The following SYCP2 variants were observed in gnomAD, a reference collection of about 807,000 sequenced individuals.
SYCP2 encodes synaptonemal complex lateral element protein.
Under a neutral mutation model 211.3 loss-of-function variants are expected in SYCP2, and 55 were observed. That is an observed-to-expected ratio of 0.26 (90% CI 0.21 to 0.33). The LOEUF is 0.33. Ranked by LOEUF, SYCP2 falls within the 10% of genes least tolerant of loss-of-function variation. The pLI is 1.00. For synonymous variants in SYCP2, 570 were observed against 555.2 expected (o/e 1.03, Z -0.37); for missense variants, 1,731 against 1,752.0 (o/e 0.99, Z 0.21).
At chr20:59,891,015 G>C (rs528881440) in intron 24 of SYCP2, among the ~76,000 whole-genome samples, 4 of 151,872 alleles carry the variant, frequency 2.6e-5, no homozygotes, top group South Asian at 4.2e-4. Flanking sequence ...GTGAGCTGCA[G>C]GTGTAAAAAA....
chr20:59,866,709 G>A (rs1281174533), intron 39 of SYCP2, 120 bp from the exon 40 acceptor site: 3 of 700,310 alleles, frequency 4.3e-6, no homozygotes, highest in Non-Finnish European at 6.8e-6. Context: ...TTGGAAAAGT[G>A]AAAAATTAAA....
chr20:59,873,997 T>C lies in SYCP2; in HGVS notation c.3414A>G (p.Ser1138=). The change falls in exon 35 of 45, where the codon TCA becomes TCG. Residue 1138 remains serine (S), a synonymous_variant. Coordinates refer to ENST00000357552, the MANE Select transcript of SYCP2 (RefSeq NM_014258.4). ...QDYDCITKSI[S]PYPKTSSLES... ...CAAGTGATGAAGTTTTTGGATAAGGTGATATAGATTTTGTTATGCAGTCAT... is the reference window on the plus strand; with the variant it reads ...CAAGTGATGAAGTTTTTGGATAAGGCGATATAGATTTTGTTATGCAGTCAT... The C allele has an allele frequency of 6.2e-7, 1 of 1,612,898 alleles. No homozygotes were observed. The highest frequency in any genetic ancestry group is 8.5e-7 in the Non-Finnish European group (1 of 1,179,288).
chr20:59,908,543 T>C (rs145340907), intron 14 of SYCP2, among the ~76,000 whole-genome samples: 1 of 152,178 alleles, frequency 6.6e-6, no homozygotes, highest in Non-Finnish European at 1.5e-5. Flanking sequence ...ATATCTCAGT[T>C]GGCATACTCT....
rs2059692020 is a variant in SYCP2, at chr20:59,881,955, A to G, written c.2648T>C (p.Ile883Thr). ...GGTATTTTAGCTTACTCCAAGTTTT[A>G]TGATAGGGTCATCAGCTCCATTCAA... ...FNLNGADDPIIKLGIQEFQAT... is the reference protein window; with the variant it reads ...FNLNGADDPITKLGIQEFQAT... The change falls in exon 28 of 45, where the codon ATA becomes ACA. Residue 883 changes from isoleucine (I) to threonine (T), a missense_variant. By Grantham distance (89) the Ile-to-Thr change is moderately conservative. This residue lies in a region of SYCP2 where 1,387 missense variants were observed against 1,351.3 expected (regional missense o/e 1.03). Coordinates refer to ENST00000357552, the MANE Select transcript of SYCP2 (RefSeq NM_014258.4). 6.2e-7 allele frequency: 1 copy of G among 1,612,140 alleles called. No individual in the cohort carries two copies. Among genetic ancestry groups the G allele is most frequent in the African/African-American group, 1.3e-5 (1 of 74,848 alleles).
At chr20:59,876,495 A>G (rs962185891) in intron 33 of SYCP2, among the ~76,000 whole-genome samples, 1 of 148,702 alleles carries the variant, frequency 6.7e-6, no homozygotes, top group South Asian at 2.2e-4. Flanking sequence ...ACAAGAAGAG[A>G]TGGAAGTTTA....
chr20:59,900,185 A>G lies in SYCP2; in HGVS notation c.1357T>C (p.Tyr453His). 1.2e-6 allele frequency: 2 copies of G among 1,613,298 alleles called. No individual in the cohort carries two copies. The highest frequency in any genetic ancestry group is 1.7e-6 in the Non-Finnish European group (2 of 1,179,588). ...TTCCCTTTGTCACTGTTTTTGATAT[A>G]TTTTGAAGGTTTAGCAAATTCCTTT... The part of the protein sequence containing the change: ...SPKEFAKPSK[Y>H]IKNSDKGNRN... The change falls in exon 18 of 45, where the codon TAT (tyrosine) becomes CAT (histidine). Residue 453 changes from tyrosine to histidine, a missense_variant. Transcript: ENST00000357552.
At chr20:59,924,956 A>C (rs376979817) in intron 2 of SYCP2, among the ~76,000 whole-genome samples, 71 of 151,812 alleles carry the variant, frequency 4.7e-4, no homozygotes, top group African/African-American at 1.6e-3. Context: ...TAAGAAATAT[A>C]ACAAAACCTC....
chr20:59,884,890 TA>T (rs2059755962), intron 26 of SYCP2, among the ~76,000 whole-genome samples: 1 of 151,620 alleles, frequency 6.6e-6, no homozygotes. Context: ...CAAAAATAAA[TA>T]AAAATTTAAA....
Position 59,901,825 on chromosome 20 carries a change from C to T in SYCP2, c.1034-15G>A. 6.4e-7 allele frequency: 1 copy of T among 1,557,104 alleles called. No individual in the cohort carries two copies. Among genetic ancestry groups the T allele is most frequent in the Non-Finnish European group, 8.7e-7 (1 of 1,154,136 alleles). On this transcript the variant is annotated splice_polypyrimidine_tract_variant and intron_variant, in intron 15 of 44. Transcript: ENST00000357552. ...TGATTCTCTCACTGTATAGAAACAA[C>T]ACTGATTAGTTTACGTTTCTATGAT...
intron 21 of SYCP2, 51 bp downstream of exon 21, chr20:59,893,473 G>A: frequency 8.7e-7 from 1 of 1,143,666 alleles, no homozygotes; most frequent in Non-Finnish European, 1.3e-6. Flanking sequence ...ACAGGGAGAA[G>A]TATATACATT....
At chr20:59,866,423 A>T (rs765054654) in intron 40 of SYCP2, 31 bp from the exon 41 acceptor site, 40 of 1,556,972 alleles carry the variant, frequency 2.6e-5, no homozygotes, top group East Asian at 2.3e-5. Context: ...GATTAATTTT[A>T]AAAACTGTAG....
intron 12 of SYCP2, among the ~76,000 whole-genome samples, 171 bp downstream of exon 12, chr20:59,913,804 A>G (rs1376702417): frequency 6.6e-6 from 1 of 152,088 alleles, no homozygotes; most frequent in Non-Finnish European, 1.5e-5. Flanking sequence ...TTACTGGTGT[A>G]GTAATTTGCT....
intron 12 of SYCP2, among the ~76,000 whole-genome samples, chr20:59,913,175 C>A (rs1018508690): frequency 6.6e-6 from 1 of 152,008 alleles, no homozygotes; most frequent in Non-Finnish European, 1.5e-5. Context: ...TTCTTAGATA[C>A]TATTTTACAT....
chr20:59,868,325 C>T, intron 38 of SYCP2, 88 bp downstream of exon 38: 2 of 1,399,192 alleles, frequency 1.4e-6, no homozygotes, highest in South Asian at 2.6e-5. Context: ...GTTGTCTTTA[C>T]AAATTTGTTT....
chr20:59,893,686 T>A, intron 20 of SYCP2, 93 bp from the exon 21 acceptor site: 1 of 819,648 alleles, frequency 1.2e-6, no homozygotes. Flanking sequence ...TTAAAACAAA[T>A]CTGCCTTGAT....
chr20:59,932,386 A>G (rs1418414133), intron 1 of SYCP2, among the ~76,000 whole-genome samples: 2 of 152,170 alleles, frequency 1.3e-5, no homozygotes, highest in Admixed American at 1.3e-4. Context: ...TCATTACTAA[A>G]AAATGTAGGC....
In SYCP2 at chr20:59,878,029, CT is replaced by C; in HGVS notation, c.2957del (p.Lys986ArgfsTer8). 1.2e-6 allele frequency: 2 copies of C among 1,605,544 alleles called. No homozygotes were observed. The highest frequency in any genetic ancestry group is 1.7e-5 in the Admixed American group (1 of 59,354). ...KSGKSRSSLE[K>X]GQPSSKMTPS... The stretch of plus-strand genomic sequence containing the variant: ...TTACCATTTTAGAGCTTGGCTGTCC[CT>C]TTTCCAAGGATGATCCTGTAATTCA... On this transcript the variant is annotated frameshift_variant, in exon 32 of 45. Transcript: ENST00000357552. LOFTEE classifies it high-confidence loss of function.
intron 10 of SYCP2, 40 bp from the exon 11 acceptor site, chr20:59,914,291 A>T (rs1299427178): frequency 7.8e-7 from 1 of 1,284,768 alleles, no homozygotes; most frequent in Non-Finnish European, 1.1e-6. Flanking sequence ...ACAATTATGA[A>T]AATTAAGTTT....
chr20:59,917,257 C>A (rs1426125000), intron 7 of SYCP2, among the ~76,000 whole-genome samples: 1 of 152,084 alleles, frequency 6.6e-6, no homozygotes, highest in African/African-American at 2.4e-5. Flanking sequence ...TAAAGACCAA[C>A]ACATCTTAAC....
Sources: allele counts gnomAD v4.1 joint callset (sites outside exome capture counted in the v4.1 genomes callset), GRCh38; gene constraint gnomAD v4.1.1; regional missense constraint gnomAD v4.1.1; transcripts MANE v1.5; gene names NCBI Gene and HGNC (gene_info 2026-07-23, HGNC 2026-07-21).